Variants in ASB18 observed in about 807,000 individuals in gnomAD.
The protein encoded by ASB18 is ankyrin repeat and SOCS box protein 18.
In ASB18, 33 loss-of-function variants were observed where a neutral mutation model predicts 33.4. The ratio of observed to expected loss-of-function variants is 0.99; its 90% CI spans 0.75 to 1.32. The LOEUF (loss-of-function observed/expected upper bound fraction) is 1.32. ASB18 is among the 40% of genes most tolerant of loss of function. The pLI is 0.00. For synonymous variants in ASB18, 295 were observed against 307.6 expected, an observed-to-expected ratio of 0.96 and a Z score of 0.43; for missense variants, 694 against 655.5, an observed-to-expected ratio of 1.06 and a Z score of -0.64.
At position 236,225,313 on chromosome 2, in the gene ASB18, A is replaced by G. The variant is rs1576402282; in HGVS notation, c.597-10447T>C. Among the ~76,000 whole-genome samples, 1 of 151,896 alleles carries G rather than the reference A, an allele frequency of 6.6e-6. No homozygotes were observed. Among genetic ancestry groups the G allele is most frequent in the Admixed American group, 6.6e-5 (1 of 15,250 alleles). On this transcript the variant is annotated intron_variant, in intron 3 of 5. Transcript: ENST00000409749. This position sits in a 1 kb window ranked among gnomAD's most constrained non-coding sequence, Gnocchi z 5.1. ...ATTTTTGCAGAGATGGGGTCTCACTATGTTGCCCAGGCTGGTCTCAAACTC... is the reference window on the plus strand; with the variant it reads ...ATTTTTGCAGAGATGGGGTCTCACTGTGTTGCCCAGGCTGGTCTCAAACTC...
chr2:236,212,018 G>A (rs2060460809), intron 4 of ASB18, among the ~76,000 whole-genome samples: 2 of 152,138 alleles, frequency 1.3e-5, no homozygotes, highest in South Asian at 2.1e-4. Context: ...GCTTGCAGGC[G>A]CCATGTTCAG....
At position 236,196,121 on chromosome 2, in the gene ASB18, C is replaced by A. The variant is rs539051531; in HGVS notation, c.1215+151G>T. On this transcript the variant is annotated intron_variant, in intron 5 of 5. Coordinates refer to ENST00000409749, the MANE Select transcript of ASB18 (RefSeq NM_212556.4). The surrounding 1 kb of genome is among the most constrained non-coding windows in gnomAD (Gnocchi z 5.6). ...GTGATTATGGAGCCTCCAGAAAAAA[C>A]CAGAAACGTGCAAATACACCCTCAT... 1.9e-5 allele frequency: 13 copies of A among 680,220 alleles called. 1 individual carries two copies. The highest frequency in any genetic ancestry group is 8.6e-5 in the Admixed American group (4 of 46,508). The allele number at this position is 680,220 out of a possible 1,614,324, so 42.1% of individuals were successfully genotyped here.
At position 236,262,150 on chromosome 2, in the gene ASB18, A is replaced by G. The variant is rs887668770; in HGVS notation, c.205+1991T>C. 6.6e-6 allele frequency among the ~76,000 whole-genome samples: 1 copy of G among 152,260 alleles called. No homozygotes were observed. Among genetic ancestry groups the G allele is most frequent in the Admixed American group, 6.5e-5 (1 of 15,286 alleles). ...CACACAGTAAAGATTTTGCAGGGCAATTAGTAATGTGAAAAGAAAGGATAT... is the reference window on the plus strand; with the variant it reads ...CACACAGTAAAGATTTTGCAGGGCAGTTAGTAATGTGAAAAGAAAGGATAT... On this transcript the variant is annotated intron_variant, in intron 1 of 5. Transcript: ENST00000409749. The surrounding 1 kb of genome is among the most constrained non-coding windows in gnomAD (Gnocchi z 5.2).
At position 236,259,691 on chromosome 2, in the gene ASB18, C is replaced by T; in HGVS notation, c.205+4450G>A. ...GTGGGGGGCTCAGCCTCAGTGAGCC[C>T]AGCAGGATGTTGGGCATCTCAGGTC... On this transcript the variant is annotated intron_variant, in intron 1 of 5. Transcript: ENST00000409749. The surrounding 1 kb of genome is among the most constrained non-coding windows in gnomAD (Gnocchi z 4.4). 1 of 432,744 alleles carries T rather than the reference C, an allele frequency of 2.3e-6. No individual in the cohort carries two copies. Among genetic ancestry groups the T allele is most frequent in the South Asian group, 1.7e-5 (1 of 59,972 alleles). 26.8% of individuals were successfully genotyped at this position (432,744 alleles called of 1,614,324 possible).
rs375626993 is a variant in ASB18, at chr2:236,251,090, C to T, written c.206-9688G>A. Among the ~76,000 whole-genome samples, 1 of 152,166 alleles carries T rather than the reference C, an allele frequency of 6.6e-6. No homozygotes were observed. Among genetic ancestry groups the T allele is most frequent in the African/African-American group, 2.4e-5 (1 of 41,438 alleles). ...TATTTTCCCGTCACTGCTACCAAGC[C>T]CAGTGCAGATAATGCAGAACAACAG... On this transcript the variant is annotated intron_variant, in intron 1 of 5. Coordinates refer to ENST00000409749, the MANE Select transcript of ASB18 (RefSeq NM_212556.4). This position sits in a 1 kb window ranked among gnomAD's most constrained non-coding sequence, Gnocchi z 5.3.
chr2:236,259,372 G>C lies in ASB18; in HGVS notation c.205+4769C>G. On this transcript the variant is annotated intron_variant, in intron 1 of 5. Transcript: ENST00000409749. This position sits in a 1 kb window ranked among gnomAD's most constrained non-coding sequence, Gnocchi z 4.4. ...TGTGCTAGGCTCTGGATATAATCGA[G>C]TGTTAGGCGAGGTTCTGGCCCTAGA... The C allele has an allele frequency of 2.6e-6, 1 of 387,106 alleles. No homozygotes were observed. Among genetic ancestry groups the C allele is most frequent in the South Asian group, 1.9e-5 (1 of 52,432 alleles). 24.0% of individuals were successfully genotyped at this position (387,106 alleles called of 1,614,324 possible).
Position 236,234,899 on chromosome 2 carries a change from T to C in ASB18, c.596+2790A>G, listed in dbSNP as rs2060581714. Among the ~76,000 whole-genome samples the C allele has an allele frequency of 6.6e-6, 1 of 152,182 alleles. No homozygotes were observed. The highest frequency in any genetic ancestry group is 1.5e-5 in the Non-Finnish European group (1 of 68,026). ...TGGGTTAGGCAGATTTTTTTTTAGA[T>C]ATCATAACCCAACCTAATCCTTAAA... On this transcript the variant is annotated intron_variant, in intron 3 of 5. Transcript: ENST00000409749. This position sits in a 1 kb window ranked among gnomAD's most constrained non-coding sequence, Gnocchi z 4.1.
chr2:236,202,526 A>G (rs2060408308), intron 4 of ASB18, among the ~76,000 whole-genome samples: 2 of 152,170 alleles, frequency 1.3e-5, no homozygotes, highest in South Asian at 4.2e-4. Context: ...AAATAAAAAA[A>G]AATATCAACC....
In ASB18 at chr2:236,244,173, A is replaced by G. The variant is rs2106281716; in HGVS notation, c.206-2771T>C. 6.6e-6 allele frequency among the ~76,000 whole-genome samples: 1 copy of G among 152,290 alleles called. No homozygotes were observed. The highest frequency in any genetic ancestry group is 1.9e-4 in the East Asian group (1 of 5,176). Reference sequence around the variant, plus strand: ...CCATTCTTGTTTTTCCCCACCAGGAAGTTGGAATGGGCCAATGATGGTGAG... The same window carrying G: ...CCATTCTTGTTTTTCCCCACCAGGAGGTTGGAATGGGCCAATGATGGTGAG... On this transcript the variant is annotated intron_variant, in intron 1 of 5. Coordinates refer to ENST00000409749, the MANE Select transcript of ASB18 (RefSeq NM_212556.4). The surrounding 1 kb of genome is among the most constrained non-coding windows in gnomAD (Gnocchi z 6.1).
Position 236,217,717 on chromosome 2 carries a change from C to G in ASB18, c.597-2851G>C, listed in dbSNP as rs546587008. The stretch of plus-strand genomic sequence containing the variant: ...AGGCTCTCAGTATTTTAAATTCTCC[C>G]TTTGGATTGTCTCGTTTCTACATCA... On this transcript the variant is annotated intron_variant, in intron 3 of 5. Coordinates refer to ENST00000409749, the MANE Select transcript of ASB18 (RefSeq NM_212556.4). The surrounding 1 kb of genome is among the most constrained non-coding windows in gnomAD (Gnocchi z 5.2). 6.6e-6 allele frequency among the ~76,000 whole-genome samples: 1 copy of G among 152,260 alleles called. No homozygotes were observed. The highest frequency in any genetic ancestry group is 2.1e-4 in the South Asian group (1 of 4,826).
At chr2:236,202,794 A>T (rs201749932) in intron 4 of ASB18, among the ~76,000 whole-genome samples, 2,489 of 117,432 alleles carry the variant, frequency 0.021, 66 homozygotes, top group East Asian at 0.038. Context: ...AAAAAAAAAA[A>T]ATATATATAT....
In ASB18 at chr2:236,225,848, T is replaced by C. The variant is rs1432449488; in HGVS notation, c.597-10982A>G. Among the ~76,000 whole-genome samples the C allele has an allele frequency of 1.3e-5, 2 of 152,206 alleles. No individual in the cohort carries two copies. Among genetic ancestry groups the C allele is most frequent in the Non-Finnish European group, 2.9e-5 (2 of 68,030 alleles). Reference sequence around the variant, plus strand: ...CAGAGACTCAAAGGTTTTAAAGTCCTGTGCCCATGGCGAATTGCCAACTAA... The same window carrying C: ...CAGAGACTCAAAGGTTTTAAAGTCCCGTGCCCATGGCGAATTGCCAACTAA... On this transcript the variant is annotated intron_variant, in intron 3 of 5. Transcript: ENST00000409749. This position sits in a 1 kb window ranked among gnomAD's most constrained non-coding sequence, Gnocchi z 5.1.
Position 236,193,480 on chromosome 2 carries a change from TTTA to T in ASB18, c.*1389_*1391del, listed in dbSNP as rs2106259938. Among the ~76,000 whole-genome samples, 1 of 152,276 alleles carries T rather than the reference TTTA, an allele frequency of 6.6e-6. No homozygotes were observed. The highest frequency in any genetic ancestry group is 2.4e-5 in the African/African-American group (1 of 41,560). ...TAAATAATGTTTTGTTTAATGTCAT[TTTA>T]TTATAACACCGATAAGAAACAAAAC... On this transcript the variant is annotated 3_prime_UTR_variant, in exon 6 of 6. Transcript: ENST00000409749. This position sits in a 1 kb window ranked among gnomAD's most constrained non-coding sequence, Gnocchi z 5.0.
chr2:236,203,205 TAAC>T lies in ASB18; in HGVS notation c.1102-6823_1102-6821del, dbSNP rs953948417. Among the ~76,000 whole-genome samples, 1 of 152,012 alleles carries T rather than the reference TAAC, an allele frequency of 6.6e-6. No homozygotes were observed. Among genetic ancestry groups the T allele is most frequent in the Non-Finnish European group, 1.5e-5 (1 of 68,030 alleles). On this transcript the variant is annotated intron_variant, in intron 4 of 5. Coordinates refer to ENST00000409749, the MANE Select transcript of ASB18 (RefSeq NM_212556.4). This position sits in a 1 kb window ranked among gnomAD's most constrained non-coding sequence, Gnocchi z 6.0. ...TCACAGAGCTTTACAGTCCCAAATA[TAAC>T]AACAACAATACAGTGCTGTGGTCAT...
At position 236,223,073 on chromosome 2, in the gene ASB18, G is replaced by A. The variant is rs1385509318; in HGVS notation, c.597-8207C>T. ...CCTGTTCCTGCTTTCACTGTGTGGT[G>A]TGCCTGCTTGCTGTTTGCCTTCTGC... On this transcript the variant is annotated intron_variant, in intron 3 of 5. Coordinates refer to ENST00000409749, the MANE Select transcript of ASB18 (RefSeq NM_212556.4). The surrounding 1 kb of genome is among the most constrained non-coding windows in gnomAD (Gnocchi z 4.6). Among the ~76,000 whole-genome samples, 1 of 152,142 alleles carries A rather than the reference G, an allele frequency of 6.6e-6. No homozygotes were observed. The highest frequency in any genetic ancestry group is 1.9e-4 in the East Asian group (1 of 5,186).
rs1478943769 is a variant in ASB18, at chr2:236,204,517, C to A, written c.1102-8132G>T. On this transcript the variant is annotated intron_variant, in intron 4 of 5. Coordinates refer to ENST00000409749, the MANE Select transcript of ASB18 (RefSeq NM_212556.4). This position sits in a 1 kb window ranked among gnomAD's most constrained non-coding sequence, Gnocchi z 5.1. ...CTGGTTTCCTGGCTTTAAATACCAT[C>A]CTTTGTCACTGACCCTCAAAGGTAT... Among the ~76,000 whole-genome samples the A allele has an allele frequency of 3.9e-5, 6 of 152,236 alleles. No homozygotes were observed. The highest frequency in any genetic ancestry group is 1.2e-4 in the African/African-American group (5 of 41,454).
chr2:236,214,364 TG>T lies in ASB18; in HGVS notation c.1098del (p.Lys367ArgfsTer3). The T allele has an allele frequency of 6.4e-7, 1 of 1,574,074 alleles. No individual in the cohort carries two copies. Among genetic ancestry groups the T allele is most frequent in the Non-Finnish European group, 8.6e-7 (1 of 1,164,068 alleles). ...GSPTVWPDAF[P>X]KVLKTCASVP... ...AGCCGGGCTGGATCCTGCCTTACCT[TG>T]GGGAAGGCGTCGGGCCACACGGTGG... is the stretch of plus-strand genomic sequence containing the variant. On this transcript the variant is annotated frameshift_variant, in exon 4 of 6. Transcript: ENST00000409749. LOFTEE classifies it high-confidence loss of function. The surrounding 1 kb of genome is among the most constrained non-coding windows in gnomAD (Gnocchi z 6.5).
In ASB18 at chr2:236,196,025, T is replaced by A. The variant is rs553614017; in HGVS notation, c.1215+247A>T. On this transcript the variant is annotated intron_variant, in intron 5 of 5. Coordinates refer to ENST00000409749, the MANE Select transcript of ASB18 (RefSeq NM_212556.4). The surrounding 1 kb of genome is among the most constrained non-coding windows in gnomAD (Gnocchi z 5.6). ...ACTGGTTAAGGAACCCTCGCGCTTTTCAGGCCAGCACGGGGCTCTGAGCTC... is the reference window on the plus strand; with the variant it reads ...ACTGGTTAAGGAACCCTCGCGCTTTACAGGCCAGCACGGGGCTCTGAGCTC... 6 of 519,778 alleles carry A rather than the reference T, an allele frequency of 1.2e-5. No homozygotes were observed. The highest frequency in any genetic ancestry group is 2.1e-5 in the Non-Finnish European group (6 of 281,674). 32.2% of individuals were successfully genotyped at this position (519,778 alleles called of 1,614,324 possible).
At position 236,211,254 on chromosome 2, in the gene ASB18, CT is replaced by C. The variant is rs1409676654; in HGVS notation, c.1101+3107del. Among the ~76,000 whole-genome samples, 2 of 152,238 alleles carry C rather than the reference CT, an allele frequency of 1.3e-5. No individual in the cohort carries two copies. Among genetic ancestry groups the C allele is most frequent in the African/African-American group, 4.8e-5 (2 of 41,472 alleles). On this transcript the variant is annotated intron_variant, in intron 4 of 5. Coordinates refer to ENST00000409749, the MANE Select transcript of ASB18 (RefSeq NM_212556.4). This position sits in a 1 kb window ranked among gnomAD's most constrained non-coding sequence, Gnocchi z 5.0. ...CCTGCCAGAATCCACAGCCTGCCCC[CT>C]ATGCCTGCCCTCGGTGCCCTGTCCC...
Sources: gnomAD v4.1 joint callset for allele counts (sites outside exome capture counted in the v4.1 genomes callset) on GRCh38, gnomAD v4.1.1 for gene constraint, Gnocchi (gnomAD v3.1) non-coding constraint, MANE v1.5 for transcripts, NCBI Gene and HGNC (gene_info 2026-07-23, HGNC 2026-07-21) for gene names.